The following PPP3CA variants were observed in gnomAD, a reference collection of about 807,000 sequenced individuals.
PPP3CA encodes protein phosphatase 3 catalytic subunit alpha.
In PPP3CA, 14 loss-of-function variants were observed where a neutral mutation model predicts 66.5. The ratio of observed to expected loss-of-function variants is 0.21; its 90% CI spans 0.14 to 0.33. PPP3CA has a LOEUF of 0.33. Ranked by LOEUF, PPP3CA falls within the 10% of genes least tolerant of loss-of-function variation. PPP3CA has a pLI of 1.00. For missense variants in PPP3CA, 317 were observed against 639.5 expected (o/e 0.50, Z 5.44); for synonymous variants, 232 against 226.2 (o/e 1.03, Z -0.23).
intron 1 of PPP3CA, among the ~76,000 whole-genome samples, chr4:101,209,248 G>T (rs182488677): frequency 4.7e-4 from 72 of 152,272 alleles, no homozygotes; most frequent in Admixed American, 1.9e-3. Flanking sequence ...ATATAAATTT[G>T]AGTTCAACTA....
chr4:101,136,143 A>G (rs1461215899), intron 2 of PPP3CA, among the ~76,000 whole-genome samples: 2 of 152,212 alleles, frequency 1.3e-5, no homozygotes, highest in Non-Finnish European at 1.5e-5. Context: ...ATCATACTTT[A>G]TAAGTGAAAC....
At chr4:101,061,698 T>C (rs1278717968) in intron 9 of PPP3CA, among the ~76,000 whole-genome samples, 1 of 152,090 alleles carries the variant, frequency 6.6e-6, no homozygotes, top group African/African-American at 2.4e-5. Flanking sequence ...GACAGAAATA[T>C]CATTAAATTT....
In PPP3CA at chr4:101,025,925, A is replaced by G. The variant is rs1726625211; in HGVS notation, c.1506T>C (p.Ala502=). The G allele has an allele frequency of 6.2e-7, 1 of 1,611,494 alleles. No homozygotes were observed. The highest frequency in any genetic ancestry group is 1.3e-5 in the African/African-American group (1 of 74,256). ...SDANLNSINK[A]LTSETNGTDS... is the part of the protein sequence containing the mutation. ...CCGTGCCGTTAGTCTCTGAGGTGAG[A>G]GCCTTGTTGATGGAGTTAAGGTTGG... Residue 502 remains alanine (A), a synonymous_variant, in exon 14 of 14, where the codon GCT becomes GCC. Transcript: ENST00000394854.
chr4:101,111,999 T>G (rs1010481113), intron 2 of PPP3CA, among the ~76,000 whole-genome samples: 1 of 152,134 alleles, frequency 6.6e-6, no homozygotes, highest in Admixed American at 6.6e-5. Context: ...CCTTCTAGCT[T>G]CTTGTATCTT....
At chr4:101,114,607 T>A (rs1397679102) in intron 2 of PPP3CA, among the ~76,000 whole-genome samples, 1 of 152,110 alleles carries the variant, frequency 6.6e-6, no homozygotes, top group Non-Finnish European at 1.5e-5. Flanking sequence ...ATCACTTATC[T>A]CTTTCTATCA....
intron 1 of PPP3CA, among the ~76,000 whole-genome samples, chr4:101,297,231 T>C (rs964021785): frequency 3.3e-5 from 5 of 152,242 alleles, no homozygotes; most frequent in African/African-American, 1.2e-4. Flanking sequence ...TCATTTCTTT[T>C]GGAGTTAGAA....
chr4:101,181,639 C>T (rs747431093), intron 2 of PPP3CA, among the ~76,000 whole-genome samples: 6 of 152,010 alleles, frequency 3.9e-5, no homozygotes, highest in Non-Finnish European at 7.4e-5. Flanking sequence ...TGCAGCCAGA[C>T]CACTCAAAAA....
chr4:101,290,903 A>G (rs1362295223), intron 1 of PPP3CA, among the ~76,000 whole-genome samples: 2 of 152,212 alleles, frequency 1.3e-5, no homozygotes, highest in African/African-American at 2.4e-5. Flanking sequence ...AAATAAAATC[A>G]GAGTCATTCA....
chr4:101,106,453 G>GAAGAGAAAAGAAA (rs775018059), intron 3 of PPP3CA, among the ~76,000 whole-genome samples: 3 of 35,512 alleles, frequency 8.4e-5, no homozygotes, highest in East Asian at 7.6e-4. Context: ...AAGAAAGAAA[G>GAAGAGAAAAGAAA]AGAAAAGAAA....
chr4:101,340,164 T>C (rs1231524884), intron 1 of PPP3CA, among the ~76,000 whole-genome samples: 8 of 152,186 alleles, frequency 5.3e-5, no homozygotes, highest in African/African-American at 1.9e-4. Flanking sequence ...ATCCCTGATA[T>C]CTATTTGTTT....
chr4:101,129,790 C>A (rs1578476524), intron 2 of PPP3CA, among the ~76,000 whole-genome samples: 1 of 152,104 alleles, frequency 6.6e-6, no homozygotes, highest in African/African-American at 2.4e-5. Context: ...AAGATGAGGA[C>A]AAACCAGTGC....
intron 2 of PPP3CA, among the ~76,000 whole-genome samples, chr4:101,159,171 A>C (rs138703928): frequency 2.0e-5 from 3 of 152,262 alleles, no homozygotes; most frequent in South Asian, 4.1e-4. Context: ...ATGTGAACCA[A>C]TCCTGGCAGT....
chr4:101,026,414 A>G (rs1726653737), intron 13 of PPP3CA, among the ~76,000 whole-genome samples: 1 of 152,214 alleles, frequency 6.6e-6, no homozygotes, highest in Admixed American at 6.5e-5. Flanking sequence ...TCAACTGGCC[A>G]CATCATAAGC....
chr4:101,088,314 G>A (rs1419889765), intron 6 of PPP3CA, among the ~76,000 whole-genome samples: 8 of 152,180 alleles, frequency 5.3e-5, no homozygotes, highest in Non-Finnish European at 1.0e-4. Context: ...GGCCAGGCAT[G>A]TTGGCTCACG....
At chr4:101,286,238 G>C (rs1355864343) in intron 1 of PPP3CA, among the ~76,000 whole-genome samples, 3 of 152,196 alleles carry the variant, frequency 2.0e-5, no homozygotes, top group African/African-American at 7.2e-5. Flanking sequence ...CTAACCTCCT[G>C]TGTGCCCAGG....
At chr4:101,207,834 GA>G (rs11312514) in intron 1 of PPP3CA, among the ~76,000 whole-genome samples, 36,538 of 136,596 alleles carry the variant, frequency 0.27, 6,841 homozygotes, top group African/African-American at 0.53. Flanking sequence ...AAACAAAAAA[GA>G]AAAAAAAAAA....
At chr4:101,259,661 C>T (rs938579260) in intron 1 of PPP3CA, among the ~76,000 whole-genome samples, 4 of 152,188 alleles carry the variant, frequency 2.6e-5, no homozygotes, top group South Asian at 2.1e-4. Flanking sequence ...ACATTGAAAT[C>T]ATTATGTTCA....
At chr4:101,224,855 TC>T (rs1453024964) in intron 1 of PPP3CA, among the ~76,000 whole-genome samples, 1 of 151,734 alleles carries the variant, frequency 6.6e-6, no homozygotes, top group East Asian at 1.9e-4. Context: ...CTCACCTCCT[TC>T]AGAGAAAAGC....
At chr4:101,327,308 A>G (rs1241146204) in intron 1 of PPP3CA, among the ~76,000 whole-genome samples, 1 of 152,138 alleles carries the variant, frequency 6.6e-6, no homozygotes, top group Non-Finnish European at 1.5e-5. Context: ...TCTCTTCCAT[A>G]AGAAAAAATT....
Sources: allele counts gnomAD v4.1 joint callset (sites outside exome capture counted in the v4.1 genomes callset), GRCh38; gene constraint gnomAD v4.1.1; transcripts MANE v1.5; gene names NCBI Gene and HGNC (gene_info 2026-07-23, HGNC 2026-07-21).